Variants in GGPS1 observed in about 807,000 individuals in gnomAD.
GGPS1 encodes the protein geranylgeranyl pyrophosphate synthase.
GGPS1 carries 15 observed loss-of-function variants against 28.1 expected under a neutral mutation model. That is an observed-to-expected ratio of 0.53 (90% CI 0.36 to 0.82). The LOEUF is 0.82. GGPS1 is among the 40% of genes least tolerant of loss of function. The pLI, the probability that GGPS1 is intolerant of heterozygous loss-of-function variation, is 0.01. For missense variants in GGPS1, 284 were observed against 348.3 expected, an observed-to-expected ratio of 0.82 and a Z score of 1.47; for synonymous variants, 138 against 122.4, an observed-to-expected ratio of 1.13 and a Z score of -0.84.
chr1:235,338,747 G>T (rs1362109499), intron 2 of GGPS1, among the ~76,000 whole-genome samples: 1 of 151,890 alleles, frequency 6.6e-6, no homozygotes, highest in Non-Finnish European at 1.5e-5. Context: ...GCCAGGCATG[G>T]TGGCTTGTTC....
At position 235,341,370 on chromosome 1, in the gene GGPS1, T is replaced by G. The variant is rs146248732; in HGVS notation, c.71-338T>G. Among the ~76,000 whole-genome samples, 60 of 152,292 alleles carry G rather than the reference T, an allele frequency of 3.9e-4. 3 individuals are homozygous for G. The East Asian group carries it at 0.011, about 28-fold the overall frequency. Reference sequence around the variant, plus strand: ...CTAGCTTCCTTTTCAAAAAAAGAAATAAATTAGGTCCTAAGTCCTAAAAGC... The same window carrying G: ...CTAGCTTCCTTTTCAAAAAAAGAAAGAAATTAGGTCCTAAGTCCTAAAAGC... On this transcript the variant is annotated intron_variant, in intron 2 of 3. Transcript: ENST00000282841.
chr1:235,328,854 G>A (rs1019113669), intron 1 of GGPS1, 76 bp downstream of exon 1: 3 of 152,678 alleles, frequency 2.0e-5, no homozygotes, highest in African/African-American at 7.2e-5. Context: ...CGGGGCAGAG[G>A]AAAGAAAGAA....
At chr1:235,330,841 A>G (rs1035739415) in intron 1 of GGPS1, among the ~76,000 whole-genome samples, 4 of 152,244 alleles carry the variant, frequency 2.6e-5, no homozygotes, top group Admixed American at 2.6e-4. Context: ...GTGAGAAAAT[A>G]TACAAACGTG....
intron 1 of GGPS1, chr1:235,329,208 C>T (rs1449088299): frequency 6.6e-6 from 1 of 152,220 alleles, no homozygotes; most frequent in Admixed American, 6.5e-5. Context: ...ATTCTCAAAC[C>T]AGGCCCTTCC....
intron 1 of GGPS1, among the ~76,000 whole-genome samples, chr1:235,334,634 A>T (rs944243243): frequency 2.6e-5 from 4 of 152,222 alleles, no homozygotes; most frequent in African/African-American, 7.2e-5. Context: ...TTCTCTGTAG[A>T]TTGGCTTATT....
chr1:235,342,690 A>C lies in GGPS1; in HGVS notation c.821A>C (p.Gln274Pro). ...GAGCTTGAAGCTAAAGCCTATAAACAGATTGATGCACGTGGTGGGAACCCT... is the reference window on the plus strand; with the variant it reads ...GAGCTTGAAGCTAAAGCCTATAAACCGATTGATGCACGTGGTGGGAACCCT... ...LKELEAKAYK[Q>P]IDARGGNPEL... Residue 274 changes from glutamine to proline, a missense_variant, in exon 4 of 4, where the codon CAG becomes CCG. Gln to Pro is a moderately conservative substitution (Grantham distance 76). Transcript: ENST00000282841. 6.2e-7 allele frequency: 1 copy of C among 1,608,762 alleles called. No individual in the cohort carries two copies. Among genetic ancestry groups the C allele is most frequent in the Non-Finnish European group, 8.5e-7 (1 of 1,175,812 alleles).
chr1:235,331,982 A>G (rs1166321954), intron 1 of GGPS1, among the ~76,000 whole-genome samples: 1 of 152,256 alleles, frequency 6.6e-6, no homozygotes, highest in East Asian at 1.9e-4. Flanking sequence ...CAAATTGGGT[A>G]GTCTCAGCAC....
chr1:235,334,261 A>T (rs1020689098), intron 1 of GGPS1, among the ~76,000 whole-genome samples: 38 of 152,192 alleles, frequency 2.5e-4, no homozygotes, highest in Admixed American at 1.6e-3. Flanking sequence ...TAATTAGTGT[A>T]ATCAGTTAAA....
intron 1 of GGPS1, among the ~76,000 whole-genome samples, chr1:235,334,885 A>AC (rs900238066): frequency 1.3e-5 from 2 of 152,084 alleles, no homozygotes; most frequent in African/African-American, 4.8e-5. Context: ...CTACAGGCAC[A>AC]CACCACCATG....
chr1:235,331,054 G>T (rs189665461), intron 1 of GGPS1, among the ~76,000 whole-genome samples: 20 of 152,202 alleles, frequency 1.3e-4, no homozygotes, highest in African/African-American at 4.8e-4. Flanking sequence ...AATAGTATAG[G>T]TAATAGGTTA....
At chr1:235,340,215 G>C (rs1046851461) in intron 2 of GGPS1, among the ~76,000 whole-genome samples, 63 of 152,320 alleles carry the variant, frequency 4.1e-4, no homozygotes, top group African/African-American at 1.5e-3. Flanking sequence ...CTCAACGTCT[G>C]TAATTTCAGC....
rs141430544 is a variant in GGPS1 at position 235,344,503 on chromosome 1, A to G, written c.*1731A>G. On this transcript the variant is annotated 3_prime_UTR_variant, in exon 4 of 4. Coordinates refer to ENST00000282841, the MANE Select transcript of GGPS1 (RefSeq NM_004837.4). ...AAATCTAACACTGACTATAGAAACA[A>G]ATTAAAATGTCTACCTTTAAGTATA... 2.3e-3 allele frequency: 382 copies of G among 166,972 alleles called. 1 individual carries two copies. Among genetic ancestry groups the G allele is most frequent in the African/African-American group, 9.0e-3 (371 of 41,358 alleles). 10.3% of individuals were successfully genotyped at this position (166,972 alleles called of 1,614,324 possible).
At chr1:235,328,335 T>A (rs911614575), upstream of GGPS1, 4 of 152,066 alleles carry the variant, frequency 2.6e-5, no homozygotes, top group African/African-American at 4.8e-5. Context: ...TTCCTATTGG[T>A]CCCTGGATAC....
rs1219147124 is a variant in GGPS1, at chr1:235,342,318, A to G, written c.449A>G (p.Gln150Arg). Residue 150 changes from glutamine (Q) to arginine (R), a missense_variant, in exon 4 of 4, where the codon CAG becomes CGG. Physicochemically the swap from Gln to Arg is conservative, Grantham distance 43 (BLOSUM62 1). Transcript: ENST00000282841. ...GAAGAATATAAAGCTATGGTGCTGCAGAAAACAGGTGGACTGTTTGGATTA... is the reference window on the plus strand; with the variant it reads ...GAAGAATATAAAGCTATGGTGCTGCGGAAAACAGGTGGACTGTTTGGATTA... Reference protein sequence around the residue: ...TEEEYKAMVLQKTGGLFGLAV... With the variant: ...TEEEYKAMVLRKTGGLFGLAV... The G allele has an allele frequency of 1.2e-6, 2 of 1,613,724 alleles. No homozygotes were observed. Among genetic ancestry groups the G allele is most frequent in the African/African-American group, 2.7e-5 (2 of 74,944 alleles).
chr1:235,342,633 G>A lies in GGPS1; in HGVS notation c.764G>A (p.Gly255Asp). The A allele has an allele frequency of 6.2e-7, 1 of 1,611,776 alleles. No homozygotes were observed. The highest frequency in any genetic ancestry group is 1.1e-5 in the South Asian group (1 of 91,008). ...KYCVHYLEDV[G>D]SFEYTRNTLK... ...TGTGTACATTATCTTGAGGATGTAG[G>A]TTCTTTTGAATACACTCGTAATACC... The change falls in exon 4 of 4, where the codon GGT (glycine) becomes GAT (aspartate). Residue 255 changes from glycine to aspartate, a missense_variant. Transcript: ENST00000282841.
intron 2 of GGPS1, among the ~76,000 whole-genome samples, chr1:235,340,329 G>A (rs1430820085): frequency 6.6e-6 from 1 of 151,984 alleles, no homozygotes; most frequent in East Asian, 1.9e-4. Context: ...AATTAACCGG[G>A]CGTGGTCGCT....
intron 2 of GGPS1, among the ~76,000 whole-genome samples, chr1:235,336,055 C>T (rs979397738): frequency 2.1e-4 from 32 of 152,224 alleles, no homozygotes; most frequent in Non-Finnish European, 1.2e-4. Context: ...GGCTTCCTAC[C>T]TCACGTGTAC....
intron 2 of GGPS1, among the ~76,000 whole-genome samples, chr1:235,335,797 C>T (rs574044374): frequency 7.2e-5 from 11 of 152,304 alleles, no homozygotes; most frequent in East Asian, 5.8e-4. Context: ...ACGGATATTA[C>T]GCATTCAGAT....
At position 235,342,464 on chromosome 1, in the gene GGPS1, A is replaced by G. The variant is rs1413275257; in HGVS notation, c.595A>G (p.Ser199Gly). ...TGCTAATCTACACTCCAAAGAATAT[A>G]GTGAAAACAAAAGTTTTTGTGAAGA... ...DYANLHSKEY[S>G]ENKSFCEDLT... Residue 199 changes from serine (S) to glycine (G), a missense_variant, in exon 4 of 4, where the codon AGT becomes GGT. Ser to Gly is a moderately conservative substitution (Grantham distance 56). Coordinates refer to ENST00000282841, the MANE Select transcript of GGPS1 (RefSeq NM_004837.4). The G allele has an allele frequency of 6.2e-7, 1 of 1,613,012 alleles. No homozygotes were observed. Among genetic ancestry groups the G allele is most frequent in the South Asian group, 1.1e-5 (1 of 91,048 alleles).
Sources: gnomAD v4.1 joint callset for allele counts (sites outside exome capture counted in the v4.1 genomes callset) on GRCh38, gnomAD v4.1.1 for gene constraint, MANE v1.5 for transcripts, NCBI Gene and HGNC (gene_info 2026-07-23, HGNC 2026-07-21) for gene names.